HERC2: variants seen among roughly 807,000 people sequenced by gnomAD.
HERC2 encodes HECT and RLD domain containing E3 ubiquitin protein ligase 2.
A neutral mutation model predicts 537.7 loss-of-function variants in HERC2; 102 were observed. The ratio of observed to expected loss-of-function variants is 0.19; its 90% CI spans 0.16 to 0.22. The LOEUF (loss-of-function observed/expected upper bound fraction) is 0.22. Among genes scored for constraint, HERC2 ranks in the 10% least tolerant of loss-of-function variants. The probability of loss-of-function intolerance (pLI) is 1.00; values close to 1 mark genes in which losing one functional copy is unlikely to be tolerated. For synonymous variants in HERC2, 2,224 were observed against 2,466.2 expected (o/e 0.90, Z 2.91); for missense variants, 4,236 against 6,198.2 (o/e 0.68, Z 10.63).
At chr15:28,172,275 G>A (rs1018714039) in intron 65 of HERC2, among the ~76,000 whole-genome samples, 1 of 152,066 alleles carries the variant, frequency 6.6e-6, no homozygotes, top group African/African-American at 2.4e-5. Flanking sequence ...AAACTGACAA[G>A]CTCATTTTAA....
At chr15:28,316,262 AGTCCTACGGCT>A in intron 2 of HERC2, among the ~76,000 whole-genome samples, 2 of 143,716 alleles carry the variant, frequency 1.4e-5, no homozygotes, top group African/African-American at 5.9e-5. Flanking sequence ...TTGTCATCAA[AGTCCTACGGCT>A]AAACCCTTTT....
chr15:28,238,920 C>T, intron 23 of HERC2, 148 bp from the exon 24 acceptor site: 1 of 711,730 alleles, frequency 1.4e-6, no homozygotes, highest in Non-Finnish European at 2.6e-6. Context: ...ACTAATACCA[C>T]ACATACAAAT....
intron 2 of HERC2, among the ~76,000 whole-genome samples, chr15:28,319,584 CAAAAA>C (rs1168038967): frequency 1.2e-4 from 7 of 58,258 alleles, no homozygotes; most frequent in African/African-American, 1.6e-4. Context: ...GACTGCGTCT[CAAAAA>C]AAAAAAAAAA....
Position 28,113,368 on chromosome 15 carries a change from A to C in HERC2, c.14020-85T>G. 1.4e-6 allele frequency: 2 copies of C among 1,397,718 alleles called. No individual in the cohort carries two copies. Among genetic ancestry groups the C allele is most frequent in the Non-Finnish European group, 2.0e-6 (2 of 999,544 alleles). 86.6% of individuals were successfully genotyped at this position (1,397,718 alleles called of 1,614,324 possible). ...CTCCGTCACGCTCCCTCTCTACACCAAGGCCTGTTTGGGGTGGGGAAAGGT... is the reference window on the plus strand; with the variant it reads ...CTCCGTCACGCTCCCTCTCTACACCCAGGCCTGTTTGGGGTGGGGAAAGGT... On this transcript the variant is annotated intron_variant, in intron 91 of 92. Coordinates refer to ENST00000261609, the MANE Select transcript of HERC2 (RefSeq NM_004667.6). This position sits in a 1 kb window ranked among gnomAD's most constrained non-coding sequence, Gnocchi z 7.0.
In HERC2 at chr15:28,142,224, A is replaced by G; in HGVS notation, c.11700+14T>C. 4 of 1,609,672 alleles carry G rather than the reference A, an allele frequency of 2.5e-6. No individual in the cohort carries two copies. Among genetic ancestry groups the G allele is most frequent in the South Asian group, 1.1e-5 (1 of 90,450 alleles). ...TTTGCATCCCAAAAGTGATTCCAAA[A>G]TATCATGCAATACCTCATCAAGAAA... On this transcript the variant is annotated intron_variant, in intron 76 of 92. Coordinates refer to ENST00000261609, the MANE Select transcript of HERC2 (RefSeq NM_004667.6).
intron 52 of HERC2, among the ~76,000 whole-genome samples, chr15:28,193,734 T>C (rs1897071647): frequency 6.6e-6 from 1 of 152,174 alleles, no homozygotes; most frequent in South Asian, 2.1e-4. Context: ...CAATTAGACT[T>C]CCATCCAACT....
At chr15:28,210,446 T>C (rs1163760796) in intron 44 of HERC2, among the ~76,000 whole-genome samples, 1 of 152,328 alleles carries the variant, frequency 6.6e-6, no homozygotes, top group East Asian at 1.9e-4. Context: ...GGTGAATACA[T>C]TATCTTTACA....
At chr15:28,303,114 C>CT (rs1436270051) in intron 2 of HERC2, among the ~76,000 whole-genome samples, 1 of 152,034 alleles carries the variant, frequency 6.6e-6, no homozygotes, top group African/African-American at 2.4e-5. Flanking sequence ...CCAATGTTTT[C>CT]TTTTAGCACT....
intron 2 of HERC2, among the ~76,000 whole-genome samples, chr15:28,316,780 CGTT>C (rs1175079624): frequency 6.6e-6 from 1 of 152,042 alleles, no homozygotes; most frequent in Admixed American, 6.6e-5. Context: ...ATCTACTGAT[CGTT>C]TTTATTTTTT....
Position 28,228,267 on chromosome 15 carries a change from C to G in HERC2, c.5415G>C (p.Leu1805=), listed in dbSNP as rs1167070676. 4 of 1,613,450 alleles carry G rather than the reference C, an allele frequency of 2.5e-6. No individual in the cohort carries two copies. Among genetic ancestry groups the G allele is most frequent in the Non-Finnish European group, 3.4e-6 (4 of 1,179,870 alleles). The change falls in exon 35 of 93, where the codon CTG becomes CTC. Residue 1805 remains leucine, a synonymous_variant. Transcript: ENST00000261609. ...TGAGGGCCAGCATGCCGGAATTGAG[C>G]AGAAGGTCGAGGTTGTTTGCGCCGT... is the stretch of plus-strand genomic sequence containing the variant. ...LQHGANNLDL[L]LNSGMLALTQ...
chr15:28,182,479 T>C lies in HERC2; in HGVS notation c.8859A>G (p.Ser2953=). The C allele has an allele frequency of 6.2e-7, 1 of 1,613,590 alleles. No homozygotes were observed. Among genetic ancestry groups the C allele is most frequent in the Middle Eastern group, 1.7e-4 (1 of 6,020 alleles). The part of the protein sequence containing the change: ...LIRKKAAGLE[S]AATIRTKVFV... ...ACACCTTGGTTCTTATCGTAGCTGC[T>C]GATTCCAGCCCAGCAGCCTTCTTTC... Residue 2953 remains serine (S), a synonymous_variant, in exon 57 of 93, where the codon TCA becomes TCG. Coordinates refer to ENST00000261609, the MANE Select transcript of HERC2 (RefSeq NM_004667.6).
At position 28,274,464 on chromosome 15, in the gene HERC2, G is replaced by A. The variant is rs374743507; in HGVS notation, c.644-17C>T. 12 of 1,592,020 alleles carry A rather than the reference G, an allele frequency of 7.5e-6. No individual in the cohort carries two copies. The highest frequency in any genetic ancestry group is 4.0e-5 in the African/African-American group (3 of 74,294). ...CATCCTCGCCTGGGCGCACACACGCGTCAGAGGAGCCCCCCCACTCCCCTC... is the reference window on the plus strand; with the variant it reads ...CATCCTCGCCTGGGCGCACACACGCATCAGAGGAGCCCCCCCACTCCCCTC... On this transcript the variant is annotated splice_polypyrimidine_tract_variant and intron_variant, in intron 6 of 92. Coordinates refer to ENST00000261609, the MANE Select transcript of HERC2 (RefSeq NM_004667.6).
At chr15:28,124,400 CT>C (rs1889251014) in intron 84 of HERC2, among the ~76,000 whole-genome samples, 166 bp from the exon 85 acceptor site, 1 of 152,216 alleles carries the variant, frequency 6.6e-6, no homozygotes, top group African/African-American at 2.4e-5. Context: ...AAATAATATT[CT>C]GTCCAGTTTG....
chr15:28,151,337 C>G (rs1892428131), intron 70 of HERC2, among the ~76,000 whole-genome samples: 1 of 152,076 alleles, frequency 6.6e-6, no homozygotes. Flanking sequence ...GGCAAGGTGG[C>G]ATGTGTCTGT....
chr15:28,292,808 A>C, intron 4 of HERC2, 80 bp downstream of exon 4: 1 of 1,391,288 alleles, frequency 7.2e-7, no homozygotes, highest in South Asian at 1.3e-5. Flanking sequence ...TTACCAAAAA[A>C]ATACTAAGAA....
At chr15:28,237,991 T>C in intron 25 of HERC2, 123 bp downstream of exon 25, 1 of 792,222 alleles carries the variant, frequency 1.3e-6, no homozygotes. Context: ...GATCTTTATA[T>C]TTATCCCTAA....
chr15:28,277,486 T>C (rs1309920405), intron 5 of HERC2, among the ~76,000 whole-genome samples: 5 of 150,426 alleles, frequency 3.3e-5, no homozygotes, highest in Middle Eastern at 3.5e-3. Context: ...AAAGGGGCTT[T>C]TTTAAAATTT....
Position 28,289,855 on chromosome 15 carries a change from C to T in HERC2, c.322+3033G>A, listed in dbSNP as rs539607469. Among the ~76,000 whole-genome samples, 209 of 152,226 alleles carry T rather than the reference C, an allele frequency of 1.4e-3. 3 individuals are homozygous for T. In the South Asian group the frequency reaches 0.022, roughly 16 times the overall value. ...GACACACCTCAGTGAGAGGATGACA[C>T]GCCGCAGTGAAAGGACGACACATCT... On this transcript the variant is annotated intron_variant, in intron 4 of 92. Transcript: ENST00000261609.
At position 28,261,913 on chromosome 15, in the gene HERC2, G is replaced by A. The variant is rs948177744; in HGVS notation, c.2123-943C>T. 9.9e-5 allele frequency among the ~76,000 whole-genome samples: 15 copies of A among 152,190 alleles called. No individual in the cohort carries two copies. In the South Asian group the frequency reaches 3.1e-3, roughly 32 times the overall value. On this transcript the variant is annotated intron_variant, in intron 15 of 92. Transcript: ENST00000261609. ...CTTGGTAAAGAACCAAACACACAAA[G>A]AATGTATGTAGTACCAGGACCCAAC...
Sources: allele counts gnomAD v4.1 joint callset (sites outside exome capture counted in the v4.1 genomes callset), GRCh38; gene constraint gnomAD v4.1.1; non-coding constraint Gnocchi (gnomAD v3.1); transcripts MANE v1.5; gene names NCBI Gene and HGNC (gene_info 2026-07-23, HGNC 2026-07-21).